The following FARS2 variants were observed in gnomAD, a reference collection of about 807,000 sequenced individuals.
The protein encoded by FARS2 is phenylalanine--tRNA ligase, mitochondrial.
FARS2 carries 40 observed loss-of-function variants against 46.4 expected under a neutral mutation model. The ratio of observed to expected loss-of-function variants is 0.86; its 90% CI spans 0.67 to 1.12. The LOEUF is 1.12. FARS2 is among the 50% of genes most tolerant of loss of function. FARS2 has a pLI of 0.00. For missense variants in FARS2, 513 were observed against 567.9 expected (o/e 0.90, Z 0.98); for synonymous variants, 234 against 214.9 (o/e 1.09, Z -0.78).
chr6:5,687,361 G>A (rs997519881), intron 6 of FARS2, among the ~76,000 whole-genome samples: 5 of 152,126 alleles, frequency 3.3e-5, no homozygotes, highest in South Asian at 2.1e-4. Context: ...AATCCATCTC[G>A]CATTAATTTT....
chr6:5,509,600 G>A (rs751284971), intron 4 of FARS2, among the ~76,000 whole-genome samples: 1 of 152,160 alleles, frequency 6.6e-6, no homozygotes, highest in Non-Finnish European at 1.5e-5. Context: ...CTTGTGAGTG[G>A]CTTACTTTTC....
Position 5,630,871 on chromosome 6 carries a change from T to C in FARS2, c.1217+17551T>C, listed in dbSNP as rs1473133956. Among the ~76,000 whole-genome samples, 1 of 152,164 alleles carries C rather than the reference T, an allele frequency of 6.6e-6. No individual in the cohort carries two copies. The highest frequency in any genetic ancestry group is 1.5e-5 in the Non-Finnish European group (1 of 68,024). The stretch of plus-strand genomic sequence containing the variant: ...GCAAATTAAGACCTGAAAATATGAA[T>C]GGAGTCTGAGCGATGCTTTGATCAG... On this transcript the variant is annotated intron_variant, in intron 6 of 6. Transcript: ENST00000274680. The surrounding 1 kb of genome is among the most constrained non-coding windows in gnomAD (Gnocchi z 4.2).
At chr6:5,290,312 C>T (rs1409005031) in intron 1 of FARS2, among the ~76,000 whole-genome samples, 1 of 152,150 alleles carries the variant, frequency 6.6e-6, no homozygotes, top group Admixed American at 6.5e-5. Flanking sequence ...GTAGGTAGTT[C>T]ACTTTTTGTA....
intron 1 of FARS2, among the ~76,000 whole-genome samples, chr6:5,329,352 C>T (rs1044054959): frequency 1.3e-5 from 2 of 152,148 alleles, no homozygotes; most frequent in African/African-American, 4.8e-5. Flanking sequence ...AATGAATTCA[C>T]CAGTATTTTT....
In FARS2 at chr6:5,635,165, G is replaced by A. The variant is rs148711989; in HGVS notation, c.1217+21845G>A. On this transcript the variant is annotated intron_variant, in intron 6 of 6. Coordinates refer to ENST00000274680, the MANE Select transcript of FARS2 (RefSeq NM_006567.5). ...TTTTGCACTGCCTGGTGCATAACAAGTGTCCAGTAAGTGTTATTGTTGATG... is the reference window on the plus strand; with the variant it reads ...TTTTGCACTGCCTGGTGCATAACAAATGTCCAGTAAGTGTTATTGTTGATG... Among the ~76,000 whole-genome samples the A allele has an allele frequency of 1.1e-3, 162 of 152,328 alleles. 1 individual carries two copies. The highest frequency in any genetic ancestry group is 3.6e-3 in the African/African-American group (151 of 41,574).
At chr6:5,419,952 T>C (rs1367163646) in intron 3 of FARS2, among the ~76,000 whole-genome samples, 1 of 152,164 alleles carries the variant, frequency 6.6e-6, no homozygotes, top group Admixed American at 6.5e-5. Context: ...TATTAGTCCA[T>C]TTTCACATTG....
intron 2 of FARS2, among the ~76,000 whole-genome samples, chr6:5,381,101 C>T (rs541471777): frequency 1.3e-5 from 2 of 151,524 alleles, no homozygotes; most frequent in Admixed American, 6.6e-5. Context: ...CCTGGGTTCA[C>T]GCCATTCTCC....
At chr6:5,613,073 A>G (rs921142364) in intron 5 of FARS2, 96 bp from the exon 6 acceptor site, 17 of 973,156 alleles carry the variant, frequency 1.7e-5, no homozygotes, top group Admixed American at 4.4e-5. Context: ...TTTTACTAGC[A>G]TTTCCTAATT....
chr6:5,737,258 C>T (rs1032858625), intron 6 of FARS2, among the ~76,000 whole-genome samples: 35 of 152,186 alleles, frequency 2.3e-4, no homozygotes, highest in African/African-American at 8.2e-4. Flanking sequence ...CCTGGCCGGG[C>T]GCAATGGCTC....
chr6:5,769,662 T>G (rs1762931575), intron 6 of FARS2, among the ~76,000 whole-genome samples: 1 of 152,100 alleles, frequency 6.6e-6, no homozygotes, highest in Non-Finnish European at 1.5e-5. Context: ...TCTCCCTTGG[T>G]CTAAAGCAGG....
intron 6 of FARS2, among the ~76,000 whole-genome samples, chr6:5,748,655 C>A (rs76495295): frequency 6.6e-6 from 1 of 152,208 alleles, no homozygotes; most frequent in Non-Finnish European, 1.5e-5. Context: ...CTGAGTAACT[C>A]GTTCAAAGAC....
At chr6:5,731,068 C>T (rs1375984652) in intron 6 of FARS2, among the ~76,000 whole-genome samples, 1 of 152,182 alleles carries the variant, frequency 6.6e-6, no homozygotes, top group African/African-American at 2.4e-5. Context: ...TGTGTACATG[C>T]TCACCATACA....
chr6:5,614,417 T>C (rs1241448310), intron 6 of FARS2, among the ~76,000 whole-genome samples: 1 of 151,334 alleles, frequency 6.6e-6, no homozygotes, highest in Non-Finnish European at 1.5e-5. Flanking sequence ...TTGTCTTTTT[T>C]TTTTTTTTTT....
intron 1 of FARS2, among the ~76,000 whole-genome samples, chr6:5,269,341 G>A (rs888376166): frequency 2.6e-5 from 4 of 151,626 alleles, no homozygotes; most frequent in Admixed American, 2.0e-4. Context: ...CCTGTGGTGG[G>A]GTTGGGGGAG....
intron 2 of FARS2, among the ~76,000 whole-genome samples, chr6:5,373,862 G>A (rs182263239): frequency 1.3e-4 from 20 of 152,014 alleles, no homozygotes; most frequent in Admixed American, 6.6e-4. Flanking sequence ...AACGATACCC[G>A]TAGATTAAAA....
intron 4 of FARS2, among the ~76,000 whole-genome samples, chr6:5,448,373 A>G (rs1764293438): frequency 6.6e-6 from 1 of 152,014 alleles, no homozygotes; most frequent in South Asian, 2.1e-4. Flanking sequence ...CACTGCTTTC[A>G]TGTCTGTTTT....
intron 1 of FARS2, among the ~76,000 whole-genome samples, chr6:5,351,055 G>A (rs9392676): frequency 0.23 from 34,425 of 152,096 alleles, 4,802 homozygotes; most frequent in East Asian, 0.3. Context: ...GAGATTCAGA[G>A]CCATATGGGT....
At chr6:5,625,355 G>T (rs369296069) in intron 6 of FARS2, among the ~76,000 whole-genome samples, 1 of 152,170 alleles carries the variant, frequency 6.6e-6, no homozygotes, top group Non-Finnish European at 1.5e-5. Context: ...GCAGGGCCGC[G>T]ACTGACACAG....
intron 5 of FARS2, among the ~76,000 whole-genome samples, chr6:5,606,739 C>A (rs974324191): frequency 6.6e-5 from 10 of 152,096 alleles, no homozygotes; most frequent in Non-Finnish European, 1.5e-4. Flanking sequence ...AGTTCAATAG[C>A]GGGGAGGTGG....
Sources: gnomAD v4.1 joint callset for allele counts (sites outside exome capture counted in the v4.1 genomes callset) on GRCh38, gnomAD v4.1.1 for gene constraint, Gnocchi (gnomAD v3.1) non-coding constraint, MANE v1.5 for transcripts, NCBI Gene and HGNC (gene_info 2026-07-23, HGNC 2026-07-21) for gene names.